SDR16C5: variants seen among roughly 807,000 people sequenced by gnomAD.
The protein encoded by SDR16C5 is epidermal retinol dehydrogenase 2.
In SDR16C5, 20 loss-of-function variants were observed where a neutral mutation model predicts 27.7. The ratio of observed to expected loss-of-function variants is 0.72; its 90% CI spans 0.51 to 1.05. The LOEUF (loss-of-function observed/expected upper bound fraction) is 1.05. Among genes scored for constraint, SDR16C5 ranks in the 50% least tolerant of loss-of-function variants. The probability of loss-of-function intolerance (pLI) is 0.00; values close to 1 mark genes in which losing one functional copy is unlikely to be tolerated. For missense variants in SDR16C5, 374 were observed against 366.3 expected (o/e 1.02, Z -0.17); for synonymous variants, 139 against 132.3 (o/e 1.05, Z -0.35).
chr8:56,305,546 G>A, intron 6 of SDR16C5, 51 bp downstream of exon 6: 1 of 1,491,532 alleles, frequency 6.7e-7, no homozygotes, highest in Non-Finnish European at 8.9e-7. Context: ...GGGATTTGGA[G>A]TAAACTGTAG....
chr8:56,311,351 G>C (rs1008186186), intron 3 of SDR16C5, among the ~76,000 whole-genome samples: 10 of 152,180 alleles, frequency 6.6e-5, no homozygotes, highest in African/African-American at 2.4e-4. Context: ...GGAGGTTGGA[G>C]GTTGCAGTGA....
intron 3 of SDR16C5, among the ~76,000 whole-genome samples, chr8:56,310,154 G>C (rs1329740009): frequency 1.1e-4 from 3 of 28,460 alleles, no homozygotes; most frequent in African/African-American, 4.9e-4. Context: ...GGAGGAGGAA[G>C]GAGGAGGAGG....
chr8:56,302,154 C>T (rs1325275783), intron 6 of SDR16C5, among the ~76,000 whole-genome samples: 2 of 152,216 alleles, frequency 1.3e-5, no homozygotes, highest in South Asian at 2.1e-4. Flanking sequence ...CACTCTGCTC[C>T]ACTGGCCTTT....
intron 5 of SDR16C5, among the ~76,000 whole-genome samples, chr8:56,306,474 A>T (rs543533803): frequency 6.6e-6 from 1 of 152,310 alleles, no homozygotes; most frequent in South Asian, 2.1e-4. Flanking sequence ...GAGCTGAGAG[A>T]CACTGCCTTG....
intron 3 of SDR16C5, among the ~76,000 whole-genome samples, chr8:56,310,494 C>A (rs1289123597): frequency 1.3e-5 from 2 of 151,522 alleles, no homozygotes; most frequent in South Asian, 2.1e-4. Flanking sequence ...CTGAGGCGGG[C>A]GGATCACAAG....
chr8:56,302,211 T>G (rs1051349601), intron 6 of SDR16C5, among the ~76,000 whole-genome samples: 3 of 152,194 alleles, frequency 2.0e-5, no homozygotes, highest in African/African-American at 7.2e-5. Context: ...ACGGGAAACC[T>G]GAGACTCATC....
chr8:56,316,320 T>A lies in SDR16C5; in HGVS notation c.28A>T (p.Lys10Ter). Reference protein sequence around the residue: MSFNLQSSKKLFIFLGKSLF... With the variant: MSFNLQSSK Reference sequence around the variant, plus strand: ...GATTTTCCTAAGAAAATGAACAGTTTCTTTGATGATTGCAGGTTGAAAGAC... The same window carrying A: ...GATTTTCCTAAGAAAATGAACAGTTACTTTGATGATTGCAGGTTGAAAGAC... The change falls in exon 2 of 7, where the codon AAA becomes TAA. Residue 10 changes from lysine (K) to a stop codon, truncating the protein, a stop_gained. Transcript: ENST00000303749. LOFTEE classifies it high-confidence loss of function. The A allele has an allele frequency of 6.2e-7, 1 of 1,613,770 alleles. No homozygotes were observed. Among genetic ancestry groups the A allele is most frequent in the Non-Finnish European group, 8.5e-7 (1 of 1,179,674 alleles).
intron 3 of SDR16C5, among the ~76,000 whole-genome samples, chr8:56,310,261 A>G (rs1168330173): frequency 1.3e-3 from 2 of 1,578 alleles, no homozygotes; most frequent in Non-Finnish European, 2.4e-3. Context: ...GAGGAGGAGG[A>G]AGGAGGAGGA....
chr8:56,305,016 C>T (rs748293143), intron 6 of SDR16C5, among the ~76,000 whole-genome samples: 3 of 152,228 alleles, frequency 2.0e-5, no homozygotes, highest in Non-Finnish European at 4.4e-5. Context: ...AAGCAATCCT[C>T]TCACCTTGGA....
chr8:56,303,896 C>T (rs541459537), intron 6 of SDR16C5: 17 of 696,300 alleles, frequency 2.4e-5, no homozygotes, highest in South Asian at 6.0e-5. Context: ...CTACAAGCTA[C>T]GACAAACATT....
At chr8:56,310,152 AAGG>A (rs1275979111) in intron 3 of SDR16C5, among the ~76,000 whole-genome samples, 1 of 22,216 alleles carries the variant, frequency 4.5e-5, no homozygotes. Flanking sequence ...GAGGAGGAGG[AAGG>A]AGGAGGAGGA....
chr8:56,312,364 T>A, intron 2 of SDR16C5, 76 bp from the exon 3 acceptor site: 1 of 1,375,574 alleles, frequency 7.3e-7, no homozygotes, highest in South Asian at 1.2e-5. Flanking sequence ...CAGAGTTTTA[T>A]GTTTTTTTTA....
In SDR16C5 at chr8:56,301,539, C is replaced by T. The variant is rs374231449; in HGVS notation, c.871G>A (p.Asp291Asn). ...LPLKTGLLIA[D>N]YLGILHAMDG... ...ATTGCATGAAGGATGCCCAAATAGT[C>T]AGCTATAAGCAGTCCTGTCTTGAGG... is the stretch of plus-strand genomic sequence containing the variant. The change falls in exon 7 of 7, where the codon GAC (aspartate) becomes AAC (asparagine). Residue 291 changes from aspartate (D) to asparagine (N), a missense_variant. Asp to Asn is a conservative substitution (Grantham distance 23). Transcript: ENST00000303749. 6.2e-6 allele frequency: 10 copies of T among 1,614,122 alleles called. No individual in the cohort carries two copies. The African/African-American group carries it at 1.3e-4, about 22-fold the overall frequency.
chr8:56,317,891 G>C (rs920622126), intron 1 of SDR16C5, among the ~76,000 whole-genome samples: 1 of 152,184 alleles, frequency 6.6e-6, no homozygotes, highest in Non-Finnish European at 1.5e-5. Flanking sequence ...GGGCTGAGGG[G>C]ATGGGCAGCC....
chr8:56,306,584 A>G (rs1451568122), intron 5 of SDR16C5, 92 bp downstream of exon 5: 5 of 1,153,584 alleles, frequency 4.3e-6, no homozygotes, highest in Admixed American at 2.5e-5. Context: ...TCCCAGAACA[A>G]TATATTTTAA....
At chr8:56,305,510 G>T (rs1187650110) in intron 6 of SDR16C5, 87 bp downstream of exon 6, 2 of 1,135,820 alleles carry the variant, frequency 1.8e-6, no homozygotes, top group Non-Finnish European at 2.5e-6. Flanking sequence ...AATTTATCAG[G>T]TATTTTTAAA....
chr8:56,305,480 G>T (rs976357908), intron 6 of SDR16C5, 117 bp downstream of exon 6: 3 of 920,074 alleles, frequency 3.3e-6, no homozygotes, highest in Admixed American at 6.0e-5. Flanking sequence ...GGACTTAATA[G>T]AATTAAATTA....
intron 2 of SDR16C5, among the ~76,000 whole-genome samples, chr8:56,314,035 C>A (rs1311258032): frequency 1.3e-5 from 2 of 152,006 alleles, no homozygotes; most frequent in Non-Finnish European, 2.9e-5. Context: ...GGTGAAACCC[C>A]GTCTCTACTA....
In SDR16C5 at chr8:56,306,706, T is replaced by C. The variant is rs773701145; in HGVS notation, c.680A>G (p.Lys227Arg). The C allele has an allele frequency of 1.6e-5, 26 of 1,613,558 alleles. No individual in the cohort carries two copies. In the South Asian group the frequency reaches 2.9e-4, roughly 18 times the overall value. Residue 227 changes from lysine to arginine, a missense_variant, in exon 5 of 7, where the codon AAA becomes AGA. Coordinates refer to ENST00000303749, the MANE Select transcript of SDR16C5 (RefSeq NM_138969.4). ...KTTIVCPFFI[K>R]TGMFEGCTTG... is the part of the protein sequence containing the mutation. ...AGTACAACCTTCAAACATTCCAGTT[T>C]TTATAAAAAAGGGGCACACAATCGT...
Sources: gnomAD v4.1 joint callset for allele counts (sites outside exome capture counted in the v4.1 genomes callset) on GRCh38, gnomAD v4.1.1 for gene constraint, MANE v1.5 for transcripts, NCBI Gene and HGNC (gene_info 2026-07-23, HGNC 2026-07-21) for gene names.